CRAT: variants seen among roughly 807,000 people sequenced by gnomAD.
The protein encoded by CRAT is carnitine acetylase.
CRAT carries 66 observed loss-of-function variants against 73.7 expected under a neutral mutation model. The observed-to-expected ratio is 0.90, with a 90% CI of 0.73 to 1.10. The LOEUF is 1.10. Among genes scored for constraint, CRAT ranks in the 50% least tolerant of loss-of-function variants. The probability of loss-of-function intolerance (pLI) is 0.00; values close to 1 mark genes in which losing one functional copy is unlikely to be tolerated. For synonymous variants in CRAT, 321 were observed against 343.2 expected (o/e 0.94, Z 0.71); for missense variants, 745 against 846.9 (o/e 0.88, Z 1.49).
At position 129,100,847 on chromosome 9, in the gene CRAT, C is replaced by T. The variant is rs568360396; in HGVS notation, c.806-158G>A. On this transcript the variant is annotated intron_variant, in intron 6 of 13. Transcript: ENST00000318080. ...CACCTCGCCGGCCCTCCAGGGCATT[C>T]ACCAAGTGCAGGGTGTGGGTTCAGA... is the stretch of plus-strand genomic sequence containing the variant. 2.6e-5 allele frequency among the ~76,000 whole-genome samples: 4 copies of T among 152,310 alleles called. No individual in the cohort carries two copies. The South Asian group carries it at 8.3e-4, about 32-fold the overall frequency.
chr9:129,100,958 G>A (rs10819463), intron 6 of CRAT, among the ~76,000 whole-genome samples: 90,079 of 152,102 alleles, frequency 0.59, 29,021 homozygotes, highest in Non-Finnish European at 0.71. Context: ...ACAGGAAACC[G>A]AAGCCCAGGG....
intron 7 of CRAT, 82 bp downstream of exon 7, chr9:129,100,429 G>A: frequency 7.5e-7 from 1 of 1,328,188 alleles, no homozygotes. Flanking sequence ...GGGACGCAGG[G>A]CCGGGGACGG....
At chr9:129,097,438 G>A in intron 11 of CRAT, 126 bp from the exon 12 acceptor site, 2 of 693,904 alleles carry the variant, frequency 2.9e-6, no homozygotes. Context: ...GCTGGGAGCG[G>A]TGGCTCACGC....
rs150820288 is a variant in CRAT, at chr9:129,107,840, G to T, written c.265C>A (p.Arg89Ser). 1.7e-5 allele frequency: 28 copies of T among 1,612,766 alleles called. No homozygotes were observed. The African/African-American group carries it at 3.2e-4, about 18-fold the overall frequency. The change falls in exon 2 of 14, where the codon CGT (arginine) becomes AGT (serine). Residue 89 changes from arginine to serine, a missense_variant. Coordinates refer to ENST00000318080, the MANE Select transcript of CRAT (RefSeq NM_000755.5). This position sits in a 1 kb window ranked among gnomAD's most constrained non-coding sequence, Gnocchi z 5.0. Reference sequence around the variant, plus strand: ...CAGTTCTCCGTCTTCCTGGCCCGACGCTCCAGCCCCTTCTGCAGGCGCTCC... The same window carrying T: ...CAGTTCTCCGTCTTCCTGGCCCGACTCTCCAGCCCCTTCTGCAGGCGCTCC... Reference protein sequence around the residue: ...VGERLQKGLERRARKTENWLS... With the variant: ...VGERLQKGLESRARKTENWLS...
Position 129,102,865 on chromosome 9 carries a change from G to C in CRAT, c.464+148C>G, listed in dbSNP as rs1028892777. On this transcript the variant is annotated intron_variant, in intron 4 of 13. Transcript: ENST00000318080. ...GGTCCTCTTTAGTTGGGATGGGACA[G>C]GGTCACCCACCAAGAGGAGATTCCA... The C allele has an allele frequency of 1.1e-5, 9 of 815,836 alleles. No individual in the cohort carries two copies. The South Asian group carries it at 1.3e-4, about 11-fold the overall frequency. The allele number at this position is 815,836 out of a possible 1,614,324, so 50.5% of individuals were successfully genotyped here.
Position 129,097,290 on chromosome 9 carries a change from A to C in CRAT, c.1487T>G (p.Leu496Arg). 6.4e-7 allele frequency: 1 copy of C among 1,567,956 alleles called. No homozygotes were observed. The highest frequency in any genetic ancestry group is 8.6e-7 in the Non-Finnish European group (1 of 1,156,824). Residue 496 changes from leucine (L) to arginine (R), a missense_variant, in exon 12 of 14, where the codon CTG becomes CGG. By Grantham distance (102) the Leu-to-Arg change is moderately radical. Coordinates refer to ENST00000318080, the MANE Select transcript of CRAT (RefSeq NM_000755.5). ...TCGGTGGGCCTGCACGGCCTTCCGC[A>C]GCAGCTCCACCTTCTGGTGCTCCTA... ...SVTEHQKVELLRKAVQAHRGY... is the reference protein window; with the variant it reads ...SVTEHQKVELRRKAVQAHRGY...
At chr9:129,096,797 G>A (rs564540020) in intron 12 of CRAT, among the ~76,000 whole-genome samples, 5 of 152,322 alleles carry the variant, frequency 3.3e-5, no homozygotes, top group African/African-American at 7.2e-5. Flanking sequence ...GGCCGGGCAC[G>A]GTGGCTCACG....
rs1257700521 is a variant in CRAT at position 129,096,281 on chromosome 9, C to T, written c.1528-146G>A. Reference sequence around the variant, plus strand: ...GAGTATTCTGGCCAGAGAGAGCCTTCGTTTCACAGATGGGGAAACCAAGGC... The same window carrying T: ...GAGTATTCTGGCCAGAGAGAGCCTTTGTTTCACAGATGGGGAAACCAAGGC... On this transcript the variant is annotated intron_variant, in intron 12 of 13. Transcript: ENST00000318080. 5.7e-6 allele frequency: 6 copies of T among 1,045,784 alleles called. No homozygotes were observed. In the Admixed American group the frequency reaches 7.3e-5, roughly 13 times the overall value. 64.8% of individuals were successfully genotyped at this position (1,045,784 alleles called of 1,614,324 possible).
intron 1 of CRAT, chr9:129,109,132 T>C: frequency 7.7e-7 from 1 of 1,303,832 alleles, no homozygotes; most frequent in Non-Finnish European, 1.0e-6. Context: ...CTTCTCTGCA[T>C]GGGCTCAGTG....
intron 1 of CRAT, chr9:129,109,159 A>C: frequency 7.7e-7 from 1 of 1,304,114 alleles, no homozygotes; most frequent in Non-Finnish European, 1.0e-6. Flanking sequence ...AGTCAGGACA[A>C]AAGGTAATAA....
At position 129,104,201 on chromosome 9, in the gene CRAT, G is replaced by C; in HGVS notation, c.397C>G (p.Gln133Glu). The change falls in exon 3 of 14, where the codon CAG becomes GAG. Residue 133 changes from glutamine (Q) to glutamate (E), a missense_variant. Coordinates refer to ENST00000318080, the MANE Select transcript of CRAT (RefSeq NM_000755.5). Reference sequence around the variant, plus strand: ...CCAGCCACTCACCGGAGCTGACCCTGCAGGTCCACGAAGTCCTGCTTGGGT... The same window carrying C: ...CCAGCCACTCACCGGAGCTGACCCTCCAGGTCCACGAAGTCCTGCTTGGGT... The part of the protein sequence containing the change: ...MLPKQDFVDL[Q>E]GQLRFAAKLI... 1 of 1,608,900 alleles carries C rather than the reference G, an allele frequency of 6.2e-7. No homozygotes were observed.
At position 129,110,397 on chromosome 9, in the gene CRAT, C is replaced by T; in HGVS notation, c.27+86G>A. The T allele has an allele frequency of 1.5e-6, 2 of 1,368,632 alleles. No homozygotes were observed. The highest frequency in any genetic ancestry group is 9.6e-7 in the Non-Finnish European group (1 of 1,037,378). 84.8% of individuals were successfully genotyped at this position (1,368,632 alleles called of 1,614,324 possible). On this transcript the variant is annotated intron_variant, in intron 1 of 13. Transcript: ENST00000318080. The surrounding 1 kb of genome is among the most constrained non-coding windows in gnomAD (Gnocchi z 5.3). ...TGGAGGCCGGGTCGAACAGCGGCCGCAGGACGCGGTCTCCGTTCCCGGACG... is the reference window on the plus strand; with the variant it reads ...TGGAGGCCGGGTCGAACAGCGGCCGTAGGACGCGGTCTCCGTTCCCGGACG...
rs1848105322 is a variant in CRAT at position 129,107,784 on chromosome 9, G to A, written c.291+30C>T. The stretch of plus-strand genomic sequence containing the variant: ...GAGAACTGTGCATGTGCAGCCAGCA[G>A]CAGGTCACAGTGAGGATGCCCTCAC... On this transcript the variant is annotated intron_variant, in intron 2 of 13. Transcript: ENST00000318080. The surrounding 1 kb of genome is among the most constrained non-coding windows in gnomAD (Gnocchi z 5.0). 6.2e-7 allele frequency: 1 copy of A among 1,613,090 alleles called. No homozygotes were observed. The highest frequency in any genetic ancestry group is 8.5e-7 in the Non-Finnish European group (1 of 1,180,020).
chr9:129,103,607 G>A lies in CRAT; in HGVS notation c.411-541C>T, dbSNP rs1847822157. ...ATGGCAACCACCCTCAATGCTTGGG[G>A]CCGCCCCTGGATCCCACCATGGGGA... is the stretch of plus-strand genomic sequence containing the variant. On this transcript the variant is annotated intron_variant, in intron 3 of 13. Coordinates refer to ENST00000318080, the MANE Select transcript of CRAT (RefSeq NM_000755.5). The surrounding 1 kb of genome is among the most constrained non-coding windows in gnomAD (Gnocchi z 4.6). Among the ~76,000 whole-genome samples, 1 of 152,156 alleles carries A rather than the reference G, an allele frequency of 6.6e-6. No individual in the cohort carries two copies. Among genetic ancestry groups the A allele is most frequent in the Non-Finnish European group, 1.5e-5 (1 of 68,020 alleles).
Position 129,108,073 on chromosome 9 carries a change from T to C in CRAT, c.32A>G (p.Lys11Arg). The part of the protein sequence containing the change: MLAFAARTVV[K>R]PLGFLKPFSL... ...GAAGGGCTTCAGGAAGCCCAGAGGCTTCACCTGCAGGTAGCAGAACATCCT... is the reference window on the plus strand; with the variant it reads ...GAAGGGCTTCAGGAAGCCCAGAGGCCTCACCTGCAGGTAGCAGAACATCCT... Residue 11 changes from lysine (K) to arginine (R), a missense_variant, in exon 2 of 14, where the codon AAG (lysine) becomes AGG (arginine). Transcript: ENST00000318080. 6.6e-7 allele frequency: 1 copy of C among 1,513,458 alleles called. No individual in the cohort carries two copies. Among genetic ancestry groups the C allele is most frequent in the Non-Finnish European group, 8.8e-7 (1 of 1,138,016 alleles). 93.8% of individuals were successfully genotyped at this position (1,513,458 alleles called of 1,614,324 possible).
At position 129,098,379 on chromosome 9, in the gene CRAT, T is replaced by C. The variant is rs774887997; in HGVS notation, c.1206-8A>G. On this transcript the variant is annotated splice_polypyrimidine_tract_variant and splice_region_variant and intron_variant, in intron 9 of 13. Transcript: ENST00000318080. ...TCCAGGTCCTGGATCATGCTGGGGG[T>C]GTGGGAAGAGCAGGTGAGGAGCAGG... 1.2e-6 allele frequency: 2 copies of C among 1,612,704 alleles called. No homozygotes were observed. Among genetic ancestry groups the C allele is most frequent in the South Asian group, 2.2e-5 (2 of 91,004 alleles).
At chr9:129,099,618 T>C (rs1043194039) in intron 8 of CRAT, among the ~76,000 whole-genome samples, 1 of 151,146 alleles carries the variant, frequency 6.6e-6, no homozygotes, top group Admixed American at 6.6e-5. Context: ...GTATTTTTAG[T>C]AGAGATGGCA....
At position 129,101,859 on chromosome 9, in the gene CRAT, C is replaced by T. The variant is rs1400275824; in HGVS notation, c.805+24G>A. The stretch of plus-strand genomic sequence containing the variant: ...AGGGGAAGAGGCCTGGGTGTGCAGC[C>T]CCAGCACGGCCCCCAAGAGGCACCT... On this transcript the variant is annotated intron_variant, in intron 6 of 13. Coordinates refer to ENST00000318080, the MANE Select transcript of CRAT (RefSeq NM_000755.5). The T allele has an allele frequency of 3.1e-6, 5 of 1,609,692 alleles. No individual in the cohort carries two copies. In the Admixed American group the frequency reaches 5.0e-5, roughly 16 times the overall value.
Position 129,102,386 on chromosome 9 carries a change from TG to T in CRAT, c.630+13del. Reference sequence around the variant, plus strand: ...CAGGGCCGGGGCTTGTAGGTGTGGGTGGGGGCCACCCACCTGGTAGTTGTGT... The same window carrying T: ...CAGGGCCGGGGCTTGTAGGTGTGGGTGGGGCCACCCACCTGGTAGTTGTGT... On this transcript the variant is annotated intron_variant, in intron 5 of 13. Coordinates refer to ENST00000318080, the MANE Select transcript of CRAT (RefSeq NM_000755.5). The T allele has an allele frequency of 1.2e-6, 2 of 1,613,546 alleles. No individual in the cohort carries two copies. The highest frequency in any genetic ancestry group is 1.7e-6 in the Non-Finnish European group (2 of 1,179,738).
Sources: allele counts gnomAD v4.1 joint callset (sites outside exome capture counted in the v4.1 genomes callset), GRCh38; gene constraint gnomAD v4.1.1; non-coding constraint Gnocchi (gnomAD v3.1); transcripts MANE v1.5; gene names NCBI Gene and HGNC (gene_info 2026-07-23, HGNC 2026-07-21).